TBL1XR1: variants seen among roughly 807,000 people sequenced by gnomAD.
The protein encoded by TBL1XR1 is TBL1X/Y related 1, also known as F-box-like/WD repeat-containing protein TBL1XR1.
Under a neutral mutation model 66.9 loss-of-function variants are expected in TBL1XR1, and 5 were observed. The ratio of observed to expected loss-of-function variants is 0.07; its 90% confidence interval spans 0.04 to 0.16. The LOEUF (loss-of-function observed/expected upper bound fraction) is 0.16, where lower values mean the gene tolerates loss of function less well. TBL1XR1 is among the 10% of genes least tolerant of loss of function. The pLI, the probability that TBL1XR1 is intolerant of heterozygous loss-of-function variation, is 1.00. For missense variants in TBL1XR1, 238 were observed against 623.2 expected (o/e 0.38, Z 6.58); for synonymous variants, 210 against 206.0 (o/e 1.02, Z -0.17).
chr3:177,146,984 G>A (rs1730333072), intron 1 of TBL1XR1, among the ~76,000 whole-genome samples: 1 of 151,378 alleles, frequency 6.6e-6, no homozygotes, highest in Non-Finnish European at 1.5e-5. Context: ...AAATGATTCA[G>A]ATTCAGATCA....
chr3:177,060,898 T>C (rs1271629181), intron 3 of TBL1XR1, among the ~76,000 whole-genome samples: 1 of 152,252 alleles, frequency 6.6e-6, no homozygotes, highest in African/African-American at 2.4e-5. Context: ...AAGTTAATCG[T>C]TACTTACAGT....
chr3:177,093,220 T>TA (rs764524708), intron 2 of TBL1XR1, among the ~76,000 whole-genome samples: 1 of 152,038 alleles, frequency 6.6e-6, no homozygotes, highest in Non-Finnish European at 1.5e-5. Context: ...ACAGCTATTG[T>TA]AGTAGCTGCA....
At chr3:177,201,340 G>A (rs980657341), upstream of TBL1XR1, among the ~76,000 whole-genome samples, 1 of 151,032 alleles carries the variant, frequency 6.6e-6, no homozygotes, top group Non-Finnish European at 1.5e-5. Flanking sequence ...GAAACCGAGA[G>A]GGGGAGGTTG....
chr3:177,178,767 T>C (rs1473037968), intron 1 of TBL1XR1, among the ~76,000 whole-genome samples: 3 of 152,282 alleles, frequency 2.0e-5, no homozygotes, highest in South Asian at 2.1e-4. Context: ...AGGATCAAAC[T>C]GGGTAGGGTA....
Position 177,053,929 on chromosome 3 carries a change from A to G in TBL1XR1, c.59-11T>C, listed in dbSNP as rs1717442534. ...CTGAATGAGAAAATCCTAAAAACAA[A>G]AGAAAAGGCATGAGAATTTATTTTC... is the stretch of plus-strand genomic sequence containing the variant. On this transcript the variant is annotated splice_polypyrimidine_tract_variant and intron_variant, in intron 3 of 15. Coordinates refer to ENST00000457928, the MANE Select transcript of TBL1XR1 (RefSeq NM_024665.7). The G allele has an allele frequency of 1.3e-6, 2 of 1,596,406 alleles. 1 individual carries two copies. The highest frequency in any genetic ancestry group is 2.3e-5 in the South Asian group (2 of 87,512).
At chr3:177,187,882 T>C (rs1467011794) in intron 1 of TBL1XR1, among the ~76,000 whole-genome samples, 1 of 139,504 alleles carries the variant, frequency 7.2e-6, no homozygotes, top group Admixed American at 7.2e-5. Context: ...TTAAGGTAAT[T>C]AAAATTTTTA....
chr3:177,185,126 CA>C (rs1359617707), intron 1 of TBL1XR1, among the ~76,000 whole-genome samples: 5 of 152,098 alleles, frequency 3.3e-5, no homozygotes, highest in Admixed American at 3.3e-4. Context: ...AAAGGTTACA[CA>C]TGAAAATAAG....
intron 14 of TBL1XR1, among the ~76,000 whole-genome samples, chr3:177,030,646 C>G (rs1713849395): frequency 6.6e-6 from 1 of 152,082 alleles, no homozygotes; most frequent in East Asian, 1.9e-4. Context: ...ATGTTCTTAT[C>G]AATTAAATCT....
chr3:177,175,374 C>T (rs1295486622), intron 1 of TBL1XR1, among the ~76,000 whole-genome samples: 2 of 152,132 alleles, frequency 1.3e-5, no homozygotes, highest in African/African-American at 4.8e-5. Context: ...TTCCATGAAA[C>T]AGAATGTAAC....
At chr3:177,040,177 T>C (rs1188806696) in intron 10 of TBL1XR1, among the ~76,000 whole-genome samples, 6 of 152,058 alleles carry the variant, frequency 3.9e-5, no homozygotes, top group African/African-American at 1.5e-4. Context: ...TAGCCAGGTG[T>C]AGTGGTCCAT....
chr3:177,071,021 C>T (rs1035243363), intron 2 of TBL1XR1, among the ~76,000 whole-genome samples: 24 of 111,036 alleles, frequency 2.2e-4, no homozygotes, highest in African/African-American at 8.3e-4. Context: ...CAGACATGTT[C>T]TGAGAATCTG....
chr3:177,162,776 C>A (rs1732379493), intron 1 of TBL1XR1, among the ~76,000 whole-genome samples: 1 of 152,128 alleles, frequency 6.6e-6, no homozygotes, highest in African/African-American at 2.4e-5. Flanking sequence ...AAATAAAAGT[C>A]CGCTAAGAAG....
intron 2 of TBL1XR1, among the ~76,000 whole-genome samples, chr3:177,070,868 T>A (rs1052263375): frequency 6.6e-5 from 10 of 151,560 alleles, no homozygotes; most frequent in East Asian, 1.9e-4. Flanking sequence ...AATAAATAAA[T>A]AAAAATAAAC....
chr3:177,199,145 G>T (rs562641341), upstream of TBL1XR1, among the ~76,000 whole-genome samples: 41 of 152,298 alleles, frequency 2.7e-4, no homozygotes, highest in Non-Finnish European at 5.3e-4. Context: ...TATTAGTGGT[G>T]TGTCCTTAGA....
rs372425172 is a variant in TBL1XR1, at chr3:177,174,235, C to T, written c.-122+22886G>A. Among the ~76,000 whole-genome samples the T allele has an allele frequency of 1.8e-3, 280 of 151,870 alleles. 12 individuals carry two copies. The South Asian group carries it at 0.053, about 29-fold the overall frequency. On this transcript the variant is annotated intron_variant, in intron 1 of 15. Coordinates refer to ENST00000457928, the MANE Select transcript of TBL1XR1 (RefSeq NM_024665.7). ...CCATCCTGGCTAACCAGTGAAACCC[C>T]GTCTGTAGTAAAAATACAAAAAAAT...
chr3:177,177,566 G>C (rs1450389299), intron 1 of TBL1XR1, among the ~76,000 whole-genome samples: 2 of 152,032 alleles, frequency 1.3e-5, no homozygotes, highest in African/African-American at 4.8e-5. Flanking sequence ...TCTATTATTT[G>C]ACTCGATTGC....
chr3:177,143,264 G>C (rs937842496), intron 1 of TBL1XR1, among the ~76,000 whole-genome samples: 1 of 151,824 alleles, frequency 6.6e-6, no homozygotes, highest in Non-Finnish European at 1.5e-5. Context: ...AGGCCTACAG[G>C]AACCTAACCC....
intron 1 of TBL1XR1, among the ~76,000 whole-genome samples, chr3:177,148,542 C>T (rs1730509533): frequency 6.6e-6 from 1 of 151,464 alleles, no homozygotes; most frequent in Non-Finnish European, 1.5e-5. Context: ...GGTGAAACCC[C>T]ATCTCTACTA....
chr3:177,136,072 C>CA (rs1365483595), intron 1 of TBL1XR1: 1 of 152,052 alleles, frequency 6.6e-6, no homozygotes, highest in Non-Finnish European at 1.5e-5. Context: ...AGGTCACAAT[C>CA]AGTTTGTGGA....
Sources: allele counts gnomAD v4.1 joint callset (sites outside exome capture counted in the v4.1 genomes callset), GRCh38; gene constraint gnomAD v4.1.1; transcripts MANE v1.5; gene names NCBI Gene and HGNC (gene_info 2026-07-23, HGNC 2026-07-21).